Variants in EXOC2 observed in about 807,000 individuals in gnomAD.
EXOC2 encodes the protein exocyst complex component 2, also known as SEC5-like 1.
Under a neutral mutation model 131.8 loss-of-function variants are expected in EXOC2, and 70 were observed. The observed-to-expected ratio is 0.53, with a 90% CI of 0.44 to 0.65. The LOEUF (loss-of-function observed/expected upper bound fraction) is 0.65, where lower values mean the gene tolerates loss of function less well. Ranked by LOEUF, EXOC2 falls within the 30% of genes least tolerant of loss-of-function variation. EXOC2 has a pLI of 0.00. For synonymous variants in EXOC2, 411 were observed against 398.4 expected (o/e 1.03, Z -0.38); for missense variants, 923 against 1,108.6 (o/e 0.83, Z 2.38).
At chr6:668,562 C>T (rs1008074553) in intron 1 of EXOC2, among the ~76,000 whole-genome samples, 1 of 152,138 alleles carries the variant, frequency 6.6e-6, no homozygotes, top group Non-Finnish European at 1.5e-5. Flanking sequence ...GGAAGCTACA[C>T]CTTCCCTCAC....
chr6:582,644 C>A (rs2143333), intron 11 of EXOC2, among the ~76,000 whole-genome samples: 1 of 144,794 alleles, frequency 6.9e-6, no homozygotes, highest in South Asian at 2.4e-4. Context: ...GGTGGGGGTG[C>A]GGTGGGCGTA....
chr6:526,138 C>G (rs1164485870), intron 23 of EXOC2, among the ~76,000 whole-genome samples: 3 of 152,078 alleles, frequency 2.0e-5, no homozygotes, highest in Non-Finnish European at 4.4e-5. Context: ...TGTGTGCATA[C>G]ACACACACGC....
chr6:551,211 C>T (rs78691442), intron 21 of EXOC2, among the ~76,000 whole-genome samples: 2 of 152,178 alleles, frequency 1.3e-5, no homozygotes, highest in Admixed American at 6.5e-5. Context: ...TGATCCCCCA[C>T]GTTCCGTTCA....
At chr6:563,759 C>G (rs1360935441) in intron 16 of EXOC2, among the ~76,000 whole-genome samples, 2 of 152,110 alleles carry the variant, frequency 1.3e-5, no homozygotes, top group Non-Finnish European at 2.9e-5. Flanking sequence ...ATTTTATACC[C>G]TATGTTTTCT....
chr6:604,624 C>G (rs1196905040), intron 7 of EXOC2, among the ~76,000 whole-genome samples: 1 of 152,126 alleles, frequency 6.6e-6, no homozygotes, highest in East Asian at 1.9e-4. Flanking sequence ...CCTCGTCTAC[C>G]CTGCGGCCAC....
chr6:603,890 A>G (rs1760250530), intron 7 of EXOC2, among the ~76,000 whole-genome samples: 1 of 152,254 alleles, frequency 6.6e-6, no homozygotes, highest in African/African-American at 2.4e-5. Context: ...TGCAATAATG[A>G]TAGCTAATAA....
chr6:662,389 G>A (rs905258332), intron 1 of EXOC2, among the ~76,000 whole-genome samples: 1 of 152,156 alleles, frequency 6.6e-6, no homozygotes, highest in Non-Finnish European at 1.5e-5. Context: ...CTCCAAGATA[G>A]ACTATATGAC....
At chr6:572,457 C>A in intron 13 of EXOC2, 63 bp downstream of exon 13, 2 of 1,536,566 alleles carry the variant, frequency 1.3e-6, no homozygotes, top group Non-Finnish European at 1.7e-6. Context: ...TTAAATCTAA[C>A]ATTTTAAAGA....
rs1554137926 is a variant in EXOC2, at chr6:615,176, G to GGGGTGT, written c.661+2534_661+2535insACACCC. ...AGTAGAGGTTTGAAAAGTATATGTG[G>GGGGTGT]GTGTGGGTGTGTGTGTGTGTGTGTG... is the stretch of plus-strand genomic sequence containing the variant. On this transcript the variant is annotated intron_variant, in intron 6 of 27. Coordinates refer to ENST00000230449, the MANE Select transcript of EXOC2 (RefSeq NM_018303.6). 7.5e-3 allele frequency among the ~76,000 whole-genome samples: 784 copies of GGGGTGT among 103,842 alleles called. 7 individuals are homozygous for GGGGTGT. The highest frequency in any genetic ancestry group is 0.023 in the African/African-American group (737 of 31,512). The allele number at this position is 103,842 out of a possible 152,430, so 68.1% of individuals were successfully genotyped here.
intron 24 of EXOC2, among the ~76,000 whole-genome samples, 177 bp from the exon 25 acceptor site, chr6:497,666 CTGAT>C (rs919250350): frequency 3.3e-5 from 5 of 152,278 alleles, no homozygotes; most frequent in East Asian, 3.9e-4. Flanking sequence ...ATTCTATTGA[CTGAT>C]TAACAACAAA....
chr6:643,987 T>A (rs1762470709), intron 1 of EXOC2, among the ~76,000 whole-genome samples: 1 of 151,952 alleles, frequency 6.6e-6, no homozygotes, highest in Non-Finnish European at 1.5e-5. Flanking sequence ...AAATAGAAAA[T>A]CTCAATATCT....
At chr6:663,840 G>A (rs1326688819) in intron 1 of EXOC2, among the ~76,000 whole-genome samples, 1 of 152,152 alleles carries the variant, frequency 6.6e-6, no homozygotes, top group Middle Eastern at 3.2e-3. Context: ...AATACTGAAT[G>A]GGGAAAAGTT....
chr6:550,684 C>T (rs1348741121), intron 21 of EXOC2, among the ~76,000 whole-genome samples: 3 of 152,198 alleles, frequency 2.0e-5, no homozygotes, highest in Admixed American at 1.3e-4. Flanking sequence ...GAGGGAGGGA[C>T]GAGGACGCTA....
At chr6:541,951 C>T (rs550965866) in intron 22 of EXOC2, among the ~76,000 whole-genome samples, 1 of 152,266 alleles carries the variant, frequency 6.6e-6, no homozygotes, top group African/African-American at 2.4e-5. Flanking sequence ...CGAGCATGAC[C>T]TACATGCTAC....
At chr6:623,368 TC>T (rs1448994986) in intron 4 of EXOC2, among the ~76,000 whole-genome samples, 2 of 152,120 alleles carry the variant, frequency 1.3e-5, no homozygotes, top group Admixed American at 6.5e-5. Flanking sequence ...AAATACCACC[TC>T]CCCTAAGACG....
chr6:541,575 G>T (rs62388787), intron 22 of EXOC2, among the ~76,000 whole-genome samples: 1 of 134,658 alleles, frequency 7.4e-6, no homozygotes, highest in African/African-American at 2.5e-5. Flanking sequence ...GAGGTTGAAG[G>T]AATAAAAATA....
At chr6:576,710 C>T (rs1276172943) in intron 12 of EXOC2, 47 bp downstream of exon 12, 28 of 1,596,750 alleles carry the variant, frequency 1.8e-5, no homozygotes, top group African/African-American at 6.7e-5. Context: ...TGAAATTACA[C>T]GAGTACAAAT....
At chr6:641,660 G>T (rs552872010) in intron 1 of EXOC2, among the ~76,000 whole-genome samples, 51 of 152,176 alleles carry the variant, frequency 3.4e-4, no homozygotes, top group Non-Finnish European at 6.5e-4. Flanking sequence ...ACAACTCAAG[G>T]TTACCTTGAG....
At chr6:648,791 G>A (rs543466297) in intron 1 of EXOC2, among the ~76,000 whole-genome samples, 6 of 145,090 alleles carry the variant, frequency 4.1e-5, no homozygotes, top group Admixed American at 2.8e-4. Context: ...GCGTGACCAC[G>A]GCTCACTGCA....
Sources: allele counts gnomAD v4.1 joint callset (sites outside exome capture counted in the v4.1 genomes callset), GRCh38; gene constraint gnomAD v4.1.1; transcripts MANE v1.5; gene names NCBI Gene and HGNC (gene_info 2026-07-23, HGNC 2026-07-21).